The following GLP1R variants were observed in gnomAD, a reference collection of about 807,000 sequenced individuals.
GLP1R encodes the protein glucagon like peptide 1 receptor.
A neutral mutation model predicts 68.4 loss-of-function variants in GLP1R; 32 were observed. The ratio of observed to expected loss-of-function variants is 0.47; its 90% CI spans 0.35 to 0.63. The LOEUF is 0.63. Ranked by LOEUF, GLP1R falls within the 20% of genes least tolerant of loss-of-function variation. GLP1R has a pLI of 0.00. For missense variants in GLP1R, 502 were observed against 594.9 expected (o/e 0.84, Z 1.62); for synonymous variants, 263 against 244.4 (o/e 1.08, Z -0.71).
intron 12 of GLP1R, among the ~76,000 whole-genome samples, chr6:39,083,767 C>T (rs1187586955): frequency 1.3e-5 from 2 of 151,910 alleles, no homozygotes; most frequent in South Asian, 2.1e-4. Context: ...CTGCAGAGGT[C>T]GAGGGCAGGG....
At chr6:39,084,821 A>G (rs889094734) in intron 12 of GLP1R, among the ~76,000 whole-genome samples, 2 of 152,208 alleles carry the variant, frequency 1.3e-5, no homozygotes, top group Non-Finnish European at 2.9e-5. Flanking sequence ...CTTGCTGGGC[A>G]TAGCTGGATG....
intron 3 of GLP1R, among the ~76,000 whole-genome samples, chr6:39,064,257 G>A (rs1768437126): frequency 6.6e-6 from 1 of 151,814 alleles, no homozygotes; most frequent in African/African-American, 2.4e-5. Context: ...CACCTGCCTC[G>A]GCCTCCCAGA....
chr6:39,079,488 G>T lies in GLP1R; in HGVS notation c.1044-76G>T. On this transcript the variant is annotated intron_variant, in intron 10 of 12. Transcript: ENST00000373256. This position sits in a 1 kb window ranked among gnomAD's most constrained non-coding sequence, Gnocchi z 4.5. ...CAGATATCAGGACTTGGTAGGAAGT[G>T]GGGAGGGTAGAGAAAGGGAAGAAGA... is the stretch of plus-strand genomic sequence containing the variant. The T allele has an allele frequency of 1.5e-6, 2 of 1,376,156 alleles. No homozygotes were observed. The highest frequency in any genetic ancestry group is 9.9e-7 in the Non-Finnish European group (1 of 1,005,982). The allele number at this position is 1,376,156 out of a possible 1,614,324, so 85.2% of individuals were successfully genotyped here. A position where few individuals can be genotyped will look rare whatever the true frequency, so the allele number is the denominator to read the frequency against.
chr6:39,052,486 C>T (rs1768109453), intron 1 of GLP1R, among the ~76,000 whole-genome samples: 1 of 152,134 alleles, frequency 6.6e-6, no homozygotes, highest in Admixed American at 6.5e-5. Context: ...GCATGTCTCC[C>T]ACCTCTGTGC....
chr6:39,065,591 G>T (rs1006933330), intron 3 of GLP1R, 120 bp from the exon 4 acceptor site: 2 of 628,880 alleles, frequency 3.2e-6, no homozygotes, highest in Non-Finnish European at 2.9e-6. Context: ...CACTAACTCA[G>T]AGTAGTCCAT....
chr6:39,050,658 A>G (rs930535059), intron 1 of GLP1R, among the ~76,000 whole-genome samples: 1 of 152,176 alleles, frequency 6.6e-6, no homozygotes, highest in Non-Finnish European at 1.5e-5. Flanking sequence ...GAGTCACAGG[A>G]GGTGTTAAGG....
Position 39,079,412 on chromosome 6 carries a change from C to G in GLP1R, c.1044-152C>G. ...TTGGGGTCTTGACCTCTATTCTTTC[C>G]CTCCAGGCAGCCTGTCCCAGGGTAT... On this transcript the variant is annotated intron_variant, in intron 10 of 12. Transcript: ENST00000373256. The surrounding 1 kb of genome is among the most constrained non-coding windows in gnomAD (Gnocchi z 4.5). The G allele has an allele frequency of 2.3e-6, 2 of 875,546 alleles. No homozygotes were observed. The highest frequency in any genetic ancestry group is 1.7e-6 in the Non-Finnish European group (1 of 577,186). The allele number at this position is 875,546 out of a possible 1,614,324, so 54.2% of individuals were successfully genotyped here.
intron 5 of GLP1R, among the ~76,000 whole-genome samples, chr6:39,072,607 G>T (rs1008770174): frequency 5.6e-4 from 86 of 152,216 alleles, no homozygotes; most frequent in African/African-American, 2.0e-3. Flanking sequence ...AGAAGATGCT[G>T]CAGAGAGAAG....
rs1769239387 is a variant in GLP1R, at chr6:39,089,795, A to T, written c.*3722A>T. ...CTCTCCATGCGCAGACAGGGCTCCC[A>T]TTATTTGCTAATGCCTGCGACGTGC... On this transcript the variant is annotated 3_prime_UTR_variant, in exon 13 of 13. Coordinates refer to ENST00000373256, the MANE Select transcript of GLP1R (RefSeq NM_002062.5). This position sits in a 1 kb window ranked among gnomAD's most constrained non-coding sequence, Gnocchi z 4.1. Among the ~76,000 whole-genome samples, 1 of 152,196 alleles carries T rather than the reference A, an allele frequency of 6.6e-6. No homozygotes were observed. Among genetic ancestry groups the T allele is most frequent in the South Asian group, 2.1e-4 (1 of 4,824 alleles).
chr6:39,048,861 G>A lies in GLP1R; in HGVS notation c.21G>A (p.Pro7=). 1 of 1,496,524 alleles carries A rather than the reference G, an allele frequency of 6.7e-7. No homozygotes were observed. The highest frequency in any genetic ancestry group is 8.9e-7 in the Non-Finnish European group (1 of 1,127,224). 92.7% of individuals were successfully genotyped at this position (1,496,524 alleles called of 1,614,324 possible). Residue 7 remains proline, a synonymous_variant, in exon 1 of 13, where the codon CCG becomes CCA. Transcript: ENST00000373256. ...CCGCCATGGCCGGCGCCCCCGGCCC[G>A]CTGCGCCTTGCGCTGCTGCTGCTCG... is the stretch of plus-strand genomic sequence containing the variant. The part of the protein sequence containing the change: MAGAPG[P]LRLALLLLGM...
In GLP1R at chr6:39,053,947, G is replaced by A. The variant is rs183202731; in HGVS notation, c.79-2450G>A. On this transcript the variant is annotated intron_variant, in intron 1 of 12. Coordinates refer to ENST00000373256, the MANE Select transcript of GLP1R (RefSeq NM_002062.5). ...AGTCCACAGCTCTCCTCTGCTCTCC[G>A]GAGCACTGATGTCCCCACCTTTGTA... is the stretch of plus-strand genomic sequence containing the variant. Among the ~76,000 whole-genome samples, 4 of 152,114 alleles carry A rather than the reference G, an allele frequency of 2.6e-5. No homozygotes were observed. The East Asian group carries it at 5.8e-4, about 22-fold the overall frequency.
intron 1 of GLP1R, among the ~76,000 whole-genome samples, chr6:39,050,821 G>A (rs1768070406): frequency 6.6e-6 from 1 of 152,154 alleles, no homozygotes; most frequent in Non-Finnish European, 1.5e-5. Context: ...GAAAAAGAGG[G>A]TCCCCTGTAT....
Position 39,087,716 on chromosome 6 carries a change from A to C in GLP1R, c.*1643A>C, listed in dbSNP as rs1769185014. ...CAAGGAAAATAATAGGATATAAAACACATCAAGTAGAAAATTTCTTATACT... is the reference window on the plus strand; with the variant it reads ...CAAGGAAAATAATAGGATATAAAACCCATCAAGTAGAAAATTTCTTATACT... On this transcript the variant is annotated 3_prime_UTR_variant, in exon 13 of 13. Coordinates refer to ENST00000373256, the MANE Select transcript of GLP1R (RefSeq NM_002062.5). The C allele has an allele frequency of 6.6e-6, 1 of 152,202 alleles. No homozygotes were observed. Among genetic ancestry groups the C allele is most frequent in the African/African-American group, 2.4e-5 (1 of 41,450 alleles). 9.4% of individuals were successfully genotyped at this position (152,202 alleles called of 1,614,324 possible).
At chr6:39,068,271 G>C (rs1768568931) in intron 5 of GLP1R, among the ~76,000 whole-genome samples, 1 of 152,124 alleles carries the variant, frequency 6.6e-6, no homozygotes, top group South Asian at 2.1e-4. Flanking sequence ...ATGGAGGTGG[G>C]AGTTGGGTCC....
At chr6:39,056,015 G>T (rs913193922) in intron 1 of GLP1R, among the ~76,000 whole-genome samples, 2 of 152,154 alleles carry the variant, frequency 1.3e-5, no homozygotes, top group Non-Finnish European at 2.9e-5. Flanking sequence ...AGGCTGACTA[G>T]GCGCCAGAAG....
At chr6:39,083,203 C>T (rs1019229873) in intron 12 of GLP1R, among the ~76,000 whole-genome samples, 1 of 152,212 alleles carries the variant, frequency 6.6e-6, no homozygotes, top group African/African-American at 2.4e-5. Flanking sequence ...CCAGGAGACC[C>T]TGCTCAGAGA....
intron 5 of GLP1R, among the ~76,000 whole-genome samples, chr6:39,069,646 A>G (rs889340012): frequency 6.6e-6 from 1 of 151,882 alleles, no homozygotes; most frequent in Non-Finnish European, 1.5e-5. Context: ...TCAAAAAAAA[A>G]AAAAAAGACT....
chr6:39,075,307 C>G (rs571976506), intron 7 of GLP1R, among the ~76,000 whole-genome samples: 61 of 152,310 alleles, frequency 4.0e-4, no homozygotes, highest in South Asian at 1.5e-3. Flanking sequence ...GGGAGGCCAT[C>G]GAGGGCAGCT....
Position 39,077,594 on chromosome 6 carries a change from G to T in GLP1R, c.824-728G>T, listed in dbSNP as rs1768864674. 2.0e-5 allele frequency among the ~76,000 whole-genome samples: 3 copies of T among 152,214 alleles called. No homozygotes were observed. In the South Asian group the frequency reaches 6.2e-4, roughly 32 times the overall value. On this transcript the variant is annotated intron_variant, in intron 7 of 12. Coordinates refer to ENST00000373256, the MANE Select transcript of GLP1R (RefSeq NM_002062.5). ...TGACATGCCATCACTTCTGCCAGAG[G>T]TTCCTGGGTCACATGAAACAATGCT...
Sources: gnomAD v4.1 joint callset for allele counts (sites outside exome capture counted in the v4.1 genomes callset) on GRCh38, gnomAD v4.1.1 for gene constraint, Gnocchi (gnomAD v3.1) non-coding constraint, MANE v1.5 for transcripts, NCBI Gene and HGNC (gene_info 2026-07-23, HGNC 2026-07-21) for gene names.